Variants in SLC35D4 observed in about 807,000 individuals in gnomAD.
The protein encoded by SLC35D4 is UDP-N-acetylglucosamine transporter SLC35D4.
chr18:23,383,750 G>C, the SLC35D4 span, among the ~76,000 whole-genome samples: 121 of 152,162 alleles, frequency 8.0e-4, 2 homozygotes, highest in East Asian at 0.02. Flanking sequence ...ATGGGAAGGA[G>C]AGCCCATCCT....
the SLC35D4 span, among the ~76,000 whole-genome samples, chr18:23,248,479 C>T: frequency 4.4e-4 from 64 of 144,894 alleles, no homozygotes; most frequent in African/African-American, 1.6e-3. Context: ...CAGGATTTAG[C>T]GTCCCACCTG....
At chr18:23,352,255 C>T in the SLC35D4 span, 2 of 1,610,704 alleles carry the variant, frequency 1.2e-6, no homozygotes, top group Admixed American at 3.4e-5. Flanking sequence ...TTTAGCTTCA[C>T]TGTACTGAAC....
At chr18:23,247,652 G>T in the SLC35D4 span, among the ~76,000 whole-genome samples, 144 of 152,366 alleles carry the variant, frequency 9.5e-4, no homozygotes, top group Non-Finnish European at 1.3e-3. Context: ...GCACTGGGCC[G>T]CCGGGCACCA....
the SLC35D4 span, among the ~76,000 whole-genome samples, chr18:23,372,426 T>C: frequency 6.6e-6 from 1 of 152,160 alleles, no homozygotes; most frequent in East Asian, 1.9e-4. Flanking sequence ...TCCTCATTCT[T>C]CCAGATTTAG....
chr18:23,376,433 G>A, the SLC35D4 span, among the ~76,000 whole-genome samples: 3 of 152,356 alleles, frequency 2.0e-5, no homozygotes. Flanking sequence ...ACAACATGGA[G>A]CAGCCTGAGG....
At chr18:23,337,406 C>T in the SLC35D4 span, among the ~76,000 whole-genome samples, 3 of 150,684 alleles carry the variant, frequency 2.0e-5, no homozygotes, top group African/African-American at 7.3e-5. Context: ...ACCCAGGAGG[C>T]GGAACTTGCA....
the SLC35D4 span, chr18:23,296,637 C>A: frequency 2.0e-5 from 3 of 152,230 alleles, no homozygotes. Context: ...AATTTTTCAT[C>A]TGGCCTGAAA....
the SLC35D4 span, among the ~76,000 whole-genome samples, chr18:23,399,969 A>C: frequency 3.3e-5 from 5 of 152,232 alleles, no homozygotes; most frequent in Non-Finnish European, 4.4e-5. Flanking sequence ...TTTGGATTTT[A>C]AGTAACCAAA....
the SLC35D4 span, among the ~76,000 whole-genome samples, chr18:23,327,928 C>T: frequency 6.6e-6 from 1 of 152,188 alleles, no homozygotes; most frequent in Non-Finnish European, 1.5e-5. Context: ...TAATCCATCA[C>T]ATGAACAGAA....
At chr18:23,315,537 G>T in the SLC35D4 span, among the ~76,000 whole-genome samples, 1 of 152,176 alleles carries the variant, frequency 6.6e-6, no homozygotes, top group African/African-American at 2.4e-5. Flanking sequence ...CATGTGATAA[G>T]GGCCTGATAA....
chr18:23,384,600 T>C, the SLC35D4 span, among the ~76,000 whole-genome samples: 2 of 152,146 alleles, frequency 1.3e-5, no homozygotes, highest in Non-Finnish European at 2.9e-5. Context: ...TAGCTGATAT[T>C]GGAGAGAAAA....
the SLC35D4 span, among the ~76,000 whole-genome samples, chr18:23,376,094 T>C: frequency 1.3e-5 from 2 of 152,226 alleles, no homozygotes. Flanking sequence ...ATCAAAGGCG[T>C]GAACAAAAGC....
chr18:23,253,798 C>G, the SLC35D4 span: 1 of 1,614,242 alleles, frequency 6.2e-7, no homozygotes, highest in South Asian at 1.1e-5. Flanking sequence ...TGGCCATGGC[C>G]TTCGTCTACT....
chr18:23,279,441 C>T, the SLC35D4 span, among the ~76,000 whole-genome samples: 1 of 152,184 alleles, frequency 6.6e-6, no homozygotes, highest in Non-Finnish European at 1.5e-5. Context: ...CTACTGAGTG[C>T]TATGAGTCCC....
the SLC35D4 span, among the ~76,000 whole-genome samples, chr18:23,425,761 C>T: frequency 1.4e-4 from 22 of 152,322 alleles, no homozygotes; most frequent in Admixed American, 1.3e-3. Context: ...TAAGTTGGGA[C>T]AGTCTGTATA....
chr18:23,417,727 T>C, the SLC35D4 span, among the ~76,000 whole-genome samples: 1 of 152,322 alleles, frequency 6.6e-6, no homozygotes, highest in South Asian at 2.1e-4. Context: ...AAATTTTTCA[T>C]GGGAAAAATG....
chr18:23,437,920 C>T, the SLC35D4 span: 2 of 1,530,464 alleles, frequency 1.3e-6, no homozygotes, highest in Non-Finnish European at 1.8e-6. Context: ...CGCCCGACCC[C>T]CGCAGCAGCA....
chr18:23,416,491 A>G, the SLC35D4 span, among the ~76,000 whole-genome samples: 16 of 152,330 alleles, frequency 1.1e-4, no homozygotes, highest in South Asian at 3.3e-3. Flanking sequence ...CAGAAAACAA[A>G]GCCCAGGAGG....
the SLC35D4 span, among the ~76,000 whole-genome samples, chr18:23,248,596 G>A: frequency 6.7e-6 from 1 of 149,982 alleles, no homozygotes; most frequent in East Asian, 1.9e-4. Flanking sequence ...GGGAGGCCGA[G>A]GCGGGTGGAT....
Sources: gnomAD v4.1 joint callset for allele counts (sites outside exome capture counted in the v4.1 genomes callset) on GRCh38, gnomAD v4.1.1 for gene constraint, MANE v1.5 for transcripts, NCBI Gene and HGNC (gene_info 2026-07-23, HGNC 2026-07-21) for gene names.